The following TAOK1 variants were observed in gnomAD, a reference collection of about 807,000 sequenced individuals.
TAOK1 encodes TAO kinase 1, also known as serine/threonine-protein kinase TAO1.
A neutral mutation model predicts 138.3 loss-of-function variants in TAOK1; 21 were observed. The observed-to-expected ratio is 0.15, with a 90% CI of 0.11 to 0.22. TAOK1 has a LOEUF of 0.22. TAOK1 is among the 10% of genes least tolerant of loss of function. The pLI is 1.00. For missense variants in TAOK1, 651 were observed against 1,227.7 expected, an observed-to-expected ratio of 0.53 and a Z score of 7.02; for synonymous variants, 361 against 398.4, an observed-to-expected ratio of 0.91 and a Z score of 1.12.
rs919371997 is a variant in TAOK1 at position 29,467,328 on chromosome 17, T to C, written c.204+112T>C. On this transcript the variant is annotated intron_variant, in intron 3 of 19. Transcript: ENST00000261716. The stretch of plus-strand genomic sequence containing the variant: ...TCCCTCTGTAGCCCAGGCTGGAGTG[T>C]AGTGGTGCAATCTTGGCTCACTGCA... 11 of 492,724 alleles carry C rather than the reference T, an allele frequency of 2.2e-5. No homozygotes were observed. In the East Asian group the frequency reaches 3.0e-4, roughly 13 times the overall value. 30.5% of individuals were successfully genotyped at this position (492,724 alleles called of 1,614,324 possible).
At chr17:29,398,979 A>T (rs571674460) in intron 1 of TAOK1, among the ~76,000 whole-genome samples, 1 of 151,416 alleles carries the variant, frequency 6.6e-6, no homozygotes, top group Non-Finnish European at 1.5e-5. Flanking sequence ...GAGTACATTG[A>T]GATAATTTTT....
intron 18 of TAOK1, among the ~76,000 whole-genome samples, chr17:29,533,082 G>T (rs529745144): frequency 1.4e-5 from 2 of 142,942 alleles, no homozygotes; most frequent in African/African-American, 5.3e-5. Flanking sequence ...CTTCCCAGAC[G>T]GGGTGGCTGC....
intron 2 of TAOK1, among the ~76,000 whole-genome samples, chr17:29,458,894 A>G (rs2030462772): frequency 6.6e-6 from 1 of 151,550 alleles, no homozygotes; most frequent in South Asian, 2.1e-4. Context: ...ATTTTTTTGT[A>G]TTTTTAGTAG....
At position 29,526,819 on chromosome 17, in the gene TAOK1, T is replaced by TTAAAAAAAAAA. The variant is rs770263137; in HGVS notation, c.2149-3588_2149-3587insTAAAAAAAAAA. On this transcript the variant is annotated intron_variant, in intron 17 of 19. Transcript: ENST00000261716. ...GGCAGCATAGGGAGATCTCATCTCTTAAAAAAAAAAAAAAAAAAAAAAAAA... is the reference window on the plus strand; with the variant it reads ...GGCAGCATAGGGAGATCTCATCTCTTTAAAAAAAAAAAAAAAAAAAAAAAAAAAAAAAAAAA... 7.9e-5 allele frequency among the ~76,000 whole-genome samples: 4 copies of TTAAAAAAAAAA among 50,946 alleles called. 1 individual carries two copies. 33.4% of individuals were successfully genotyped at this position (50,946 alleles called of 152,430 possible).
chr17:29,442,476 T>G (rs1421574507), intron 1 of TAOK1, among the ~76,000 whole-genome samples: 1 of 152,080 alleles, frequency 6.6e-6, no homozygotes, highest in African/African-American at 2.4e-5. Flanking sequence ...TGTAACCTTA[T>G]TCTTTGAATT....
At chr17:29,511,826 C>CA (rs1372278147) in intron 15 of TAOK1, 2 of 151,808 alleles carry the variant, frequency 1.3e-5, no homozygotes, top group Admixed American at 6.6e-5. Context: ...GGATTATAGG[C>CA]ATAAGCCACC....
intron 1 of TAOK1, among the ~76,000 whole-genome samples, chr17:29,400,457 A>AT (rs1904806274): frequency 6.6e-6 from 1 of 151,892 alleles, no homozygotes. Flanking sequence ...ATTTAAGAAA[A>AT]ATTTGGTATC....
intron 14 of TAOK1, among the ~76,000 whole-genome samples, chr17:29,510,143 G>A (rs1360147871): frequency 1.3e-5 from 2 of 151,980 alleles, no homozygotes; most frequent in Non-Finnish European, 2.9e-5. Flanking sequence ...TTGGGAGGCC[G>A]AGGTGGGTGG....
intron 1 of TAOK1, among the ~76,000 whole-genome samples, chr17:29,394,167 T>TTTTTTG: frequency 7.9e-6 from 1 of 125,892 alleles, no homozygotes; most frequent in Non-Finnish European, 1.7e-5. Context: ...TTTTTTTTTT[T>TTTTTTG]TTTTTTTTTT....
intron 3 of TAOK1, among the ~76,000 whole-genome samples, chr17:29,467,451 T>C (rs955164415): frequency 3.3e-5 from 5 of 152,084 alleles, no homozygotes; most frequent in Non-Finnish European, 5.9e-5. Context: ...TTTTTTGTAT[T>C]TTTAGTAGAG....
Position 29,491,869 on chromosome 17 carries a change from A to G in TAOK1, c.831+4A>G. 1 of 1,598,912 alleles carries G rather than the reference A, an allele frequency of 6.3e-7. No individual in the cohort carries two copies. Among genetic ancestry groups the G allele is most frequent in the Non-Finnish European group, 8.6e-7 (1 of 1,167,032 alleles). On this transcript the variant is annotated splice_donor_region_variant and intron_variant, in intron 10 of 19. Coordinates refer to ENST00000261716, the MANE Select transcript of TAOK1 (RefSeq NM_020791.4). ...TACATCAGAGGAACTTTTAAAGGTCAGTTCTATTATAGTTTATTTATTTAT... is the reference window on the plus strand; with the variant it reads ...TACATCAGAGGAACTTTTAAAGGTCGGTTCTATTATAGTTTATTTATTTAT...
chr17:29,390,407 G>A lies in TAOK1; in HGVS notation c.-712G>A, dbSNP rs1422975852. 6.6e-6 allele frequency: 1 copy of A among 152,534 alleles called. No homozygotes were observed. The highest frequency in any genetic ancestry group is 2.4e-5 in the African/African-American group (1 of 41,432). 9.4% of individuals were successfully genotyped at this position (152,534 alleles called of 1,614,324 possible). ...TGGCTTCAGGGCTCGGGGAGAGAGA[G>A]GGAGGGTGGCAAAGAGACTGAGTCG... On this transcript the variant is annotated 5_prime_UTR_variant, in exon 1 of 20. Coordinates refer to ENST00000261716, the MANE Select transcript of TAOK1 (RefSeq NM_020791.4).
chr17:29,538,141 G>T (rs1043693615), intron 19 of TAOK1, among the ~76,000 whole-genome samples: 1 of 150,556 alleles, frequency 6.6e-6, no homozygotes, highest in Non-Finnish European at 1.5e-5. Flanking sequence ...GGTAAACATG[G>T]CCAAGCCAAT....
intron 11 of TAOK1, among the ~76,000 whole-genome samples, chr17:29,497,440 T>C (rs914167382): frequency 7.9e-5 from 12 of 152,142 alleles, no homozygotes; most frequent in Non-Finnish European, 1.6e-4. Flanking sequence ...ACATCTGTGT[T>C]AGGCTGGGGA....
intron 3 of TAOK1, among the ~76,000 whole-genome samples, chr17:29,470,076 TA>T (rs989581224): frequency 1.3e-5 from 2 of 152,176 alleles, no homozygotes; most frequent in Non-Finnish European, 2.9e-5. Flanking sequence ...TGATAAAACT[TA>T]AAATAATTAA....
At chr17:29,491,955 G>A (rs976421220) in intron 10 of TAOK1, 90 bp downstream of exon 10, 7 of 944,044 alleles carry the variant, frequency 7.4e-6, no homozygotes, top group East Asian at 2.6e-5. Flanking sequence ...GCACAATCAC[G>A]TCTCCTGCAG....
In TAOK1 at chr17:29,543,972, G is replaced by T. The variant is rs2032361739; in HGVS notation, c.*950G>T. ...GTCCTGACGTTTTGTTGCTTATACTGTGATATCTCATCCTAGCTAAGCTCT... is the reference window on the plus strand; with the variant it reads ...GTCCTGACGTTTTGTTGCTTATACTTTGATATCTCATCCTAGCTAAGCTCT... On this transcript the variant is annotated 3_prime_UTR_variant, in exon 20 of 20. Transcript: ENST00000261716. The T allele has an allele frequency of 6.6e-6, 1 of 152,298 alleles. No individual in the cohort carries two copies. Among genetic ancestry groups the T allele is most frequent in the South Asian group, 2.1e-4 (1 of 4,818 alleles). 9.4% of individuals were successfully genotyped at this position (152,298 alleles called of 1,614,324 possible). A position where few individuals can be genotyped will look rare whatever the true frequency, so the allele number is the denominator to read the frequency against.
intron 11 of TAOK1, among the ~76,000 whole-genome samples, chr17:29,496,360 C>T (rs527671032): frequency 2.8e-4 from 42 of 152,188 alleles, no homozygotes; most frequent in African/African-American, 9.9e-4. Flanking sequence ...TCAGGTGGCC[C>T]ACCTGCCTCG....
At chr17:29,498,936 A>AG (rs1275897459) in intron 12 of TAOK1, among the ~76,000 whole-genome samples, 2 of 152,108 alleles carry the variant, frequency 1.3e-5, no homozygotes, top group African/African-American at 4.8e-5. Context: ...AAAAAAAAAA[A>AG]AAGTTTGGAA....
Sources: allele counts gnomAD v4.1 joint callset (sites outside exome capture counted in the v4.1 genomes callset), GRCh38; gene constraint gnomAD v4.1.1; transcripts MANE v1.5; gene names NCBI Gene and HGNC (gene_info 2026-07-23, HGNC 2026-07-21).